The following STAU2 variants were observed in gnomAD, a reference collection of about 807,000 sequenced individuals.
The protein encoded by STAU2 is double-stranded RNA-binding protein Staufen homolog 2.
A neutral mutation model predicts 65.9 loss-of-function variants in STAU2; 20 were observed. The observed-to-expected ratio is 0.30, with a 90% CI of 0.21 to 0.44. The LOEUF (loss-of-function observed/expected upper bound fraction) is 0.44. Among genes scored for constraint, STAU2 ranks in the 20% least tolerant of loss-of-function variants. The pLI is 1.00. For missense variants in STAU2, 558 were observed against 683.9 expected (o/e 0.82, Z 2.05); for synonymous variants, 232 against 233.9 (o/e 0.99, Z 0.07).
At chr8:73,652,060 T>C (rs977052985) in intron 6 of STAU2, among the ~76,000 whole-genome samples, 8 of 152,148 alleles carry the variant, frequency 5.3e-5, no homozygotes, top group Non-Finnish European at 2.9e-5. Context: ...TTTCAGCATA[T>C]GATAAAAGGG....
chr8:73,473,995 T>C (rs1820181261), intron 13 of STAU2, among the ~76,000 whole-genome samples: 1 of 152,216 alleles, frequency 6.6e-6, no homozygotes, highest in African/African-American at 2.4e-5. Context: ...CATGTTTTCA[T>C]ACACTCTGTG....
At chr8:73,469,973 C>A (rs1365689162) in intron 13 of STAU2, among the ~76,000 whole-genome samples, 1 of 152,168 alleles carries the variant, frequency 6.6e-6, no homozygotes, top group East Asian at 1.9e-4. Flanking sequence ...ACTGATCCAT[C>A]TGAAGCGAGA....
chr8:73,458,163 C>T (rs2128898222), intron 13 of STAU2, among the ~76,000 whole-genome samples: 1 of 152,338 alleles, frequency 6.6e-6, no homozygotes, highest in South Asian at 2.1e-4. Context: ...GGAAGAACTA[C>T]TTCATTAAAA....
chr8:73,712,471 A>G (rs1195941233), intron 3 of STAU2, among the ~76,000 whole-genome samples: 1 of 152,214 alleles, frequency 6.6e-6, no homozygotes, highest in South Asian at 2.1e-4. Flanking sequence ...ATTGAATGAG[A>G]TAATACCAAA....
chr8:73,432,274 T>C (rs542059621), intron 13 of STAU2, among the ~76,000 whole-genome samples: 1 of 152,382 alleles, frequency 6.6e-6, no homozygotes, highest in Non-Finnish European at 1.5e-5. Context: ...AGTAGTCATA[T>C]ATGCAGTTAA....
At chr8:73,715,057 T>G (rs1289032021) in intron 3 of STAU2, among the ~76,000 whole-genome samples, 1 of 135,768 alleles carries the variant, frequency 7.4e-6, no homozygotes, top group Non-Finnish European at 1.5e-5. Context: ...CACTCCACCC[T>G]AAGCAACAGA....
At chr8:73,511,287 AC>A (rs1822387151) in intron 13 of STAU2, 1 of 152,856 alleles carries the variant, frequency 6.5e-6, no homozygotes, top group Non-Finnish European at 1.5e-5. Flanking sequence ...CATCACTTTC[AC>A]CATCATAGTC....
In STAU2 at chr8:73,516,398, T is replaced by TA. The variant is rs371927123; in HGVS notation, c.1530+35613dup. Among the ~76,000 whole-genome samples the TA allele has an allele frequency of 2.1e-3, 319 of 152,204 alleles. 2 individuals carry two copies. Among genetic ancestry groups the TA allele is most frequent in the African/African-American group, 7.2e-3 (297 of 41,502 alleles). ...TTTCACATATTAAATTATGTGAAAT[T>TA]AAATTTCACATATGTCTAGAATATT... On this transcript the variant is annotated intron_variant, in intron 13 of 14. Transcript: ENST00000524300.
chr8:73,613,517 C>A (rs1367457109), intron 9 of STAU2, among the ~76,000 whole-genome samples: 1 of 152,080 alleles, frequency 6.6e-6, no homozygotes, highest in African/African-American at 2.4e-5. Flanking sequence ...CAAAGAAATA[C>A]ATAAATACCT....
intron 13 of STAU2, among the ~76,000 whole-genome samples, chr8:73,454,294 C>T (rs1413121385): frequency 6.6e-6 from 1 of 152,152 alleles, no homozygotes; most frequent in Non-Finnish European, 1.5e-5. Flanking sequence ...TGACACCAAC[C>T]GGACAAATTT....
At chr8:73,673,719 T>C (rs1464586473) in intron 5 of STAU2, among the ~76,000 whole-genome samples, 1 of 152,168 alleles carries the variant, frequency 6.6e-6, no homozygotes, top group Admixed American at 6.5e-5. Context: ...TTGAATTTTT[T>C]CTATAACCAA....
At chr8:73,433,720 C>T (rs975484762) in intron 13 of STAU2, among the ~76,000 whole-genome samples, 1 of 151,884 alleles carries the variant, frequency 6.6e-6, no homozygotes, top group South Asian at 2.1e-4. Context: ...AGGCTGGTCT[C>T]GAACTCCTGG....
intron 6 of STAU2, chr8:73,651,278 G>A (rs1309590005): frequency 3.3e-5 from 22 of 661,968 alleles, no homozygotes; most frequent in Non-Finnish European, 6.0e-5. Flanking sequence ...AACGCCTGGC[G>A]GGCCCCACTG....
intron 1 of STAU2, among the ~76,000 whole-genome samples, chr8:73,745,736 T>C (rs900637965): frequency 6.6e-6 from 1 of 152,184 alleles, no homozygotes; most frequent in African/African-American, 2.4e-5. Context: ...CTCAAGCAGT[T>C]CTTAACCCTT....
At chr8:73,609,800 C>A (rs1253342129) in intron 9 of STAU2, among the ~76,000 whole-genome samples, 1 of 152,088 alleles carries the variant, frequency 6.6e-6, no homozygotes, top group Non-Finnish European at 1.5e-5. Flanking sequence ...AAGTAGTATG[C>A]CCAGTTCATG....
At chr8:73,576,560 G>T (rs1052584839) in intron 12 of STAU2, among the ~76,000 whole-genome samples, 1 of 152,098 alleles carries the variant, frequency 6.6e-6, no homozygotes, top group African/African-American at 2.4e-5. Flanking sequence ...TATGAAAGAG[G>T]AGAACAAAGG....
At chr8:73,545,397 T>C (rs1445299703) in intron 13 of STAU2, among the ~76,000 whole-genome samples, 5 of 152,084 alleles carry the variant, frequency 3.3e-5, no homozygotes, top group Non-Finnish European at 5.9e-5. Flanking sequence ...AAAAAAAATT[T>C]GGAAGTTTTT....
At chr8:73,499,298 G>A (rs1020091760) in intron 13 of STAU2, among the ~76,000 whole-genome samples, 12 of 151,852 alleles carry the variant, frequency 7.9e-5, no homozygotes, top group Non-Finnish European at 4.4e-5. Context: ...AGGGTGTCAT[G>A]GCTAAATATG....
chr8:73,548,649 T>C (rs1189293116), intron 13 of STAU2, among the ~76,000 whole-genome samples: 2 of 152,192 alleles, frequency 1.3e-5, no homozygotes, highest in African/African-American at 4.8e-5. Flanking sequence ...AAACACTCCC[T>C]GATTTTGGAC....
Sources: allele counts gnomAD v4.1 joint callset (sites outside exome capture counted in the v4.1 genomes callset), GRCh38; gene constraint gnomAD v4.1.1; transcripts MANE v1.5; gene names NCBI Gene and HGNC (gene_info 2026-07-23, HGNC 2026-07-21).